GPR158: variants seen among roughly 807,000 people sequenced by gnomAD.
The protein encoded by GPR158 is metabotropic glycine receptor.
In GPR158, 30 loss-of-function variants were observed where a neutral mutation model predicts 78.2. The ratio of observed to expected loss-of-function variants is 0.38; its 90% CI spans 0.29 to 0.52. The LOEUF (loss-of-function observed/expected upper bound fraction) is 0.52, where lower values mean the gene tolerates loss of function less well. Among genes scored for constraint, GPR158 ranks in the 20% least tolerant of loss-of-function variants. The probability of loss-of-function intolerance (pLI) is 0.83; values close to 1 mark genes in which losing one functional copy is unlikely to be tolerated. For missense variants in GPR158, 1,463 were observed against 1,523.5 expected, an observed-to-expected ratio of 0.96 and a Z score of 0.66; for synonymous variants, 581 against 591.1, an observed-to-expected ratio of 0.98 and a Z score of 0.25.
intron 2 of GPR158, among the ~76,000 whole-genome samples, chr10:25,366,149 G>C (rs548736835): frequency 6.6e-5 from 10 of 151,214 alleles, no homozygotes; most frequent in African/African-American, 1.9e-4. Flanking sequence ...TTTTGTTTTT[G>C]TTTTTGTTTT....
At chr10:25,596,489 C>G (rs764684767) in intron 9 of GPR158, among the ~76,000 whole-genome samples, 154 bp from the exon 10 acceptor site, 1 of 151,964 alleles carries the variant, frequency 6.6e-6, no homozygotes, top group East Asian at 1.9e-4. Context: ...CTGTGTCTCT[C>G]TCTCTCTATC....
At position 25,175,147 on chromosome 10, in the gene GPR158, C is replaced by A. The variant is rs1043230718; in HGVS notation, c.-274C>A. The stretch of plus-strand genomic sequence containing the variant: ...TGGGAGCGCGAGGCCATGTAACCCG[C>A]TCGGCTCCAGGCTGCGAGGTGCGTA... On this transcript the variant is annotated 5_prime_UTR_variant, in exon 1 of 11. Transcript: ENST00000376351. This position sits in a 1 kb window ranked among gnomAD's most constrained non-coding sequence, Gnocchi z 6.4. 8 of 356,726 alleles carry A rather than the reference C, an allele frequency of 2.2e-5. No homozygotes were observed. Among genetic ancestry groups the A allele is most frequent in the Admixed American group, 4.4e-5 (1 of 22,870 alleles). The allele number at this position is 356,726 out of a possible 1,614,324, so 22.1% of individuals were successfully genotyped here.
At chr10:25,386,556 C>G (rs1834224700) in intron 2 of GPR158, among the ~76,000 whole-genome samples, 1 of 151,414 alleles carries the variant, frequency 6.6e-6, no homozygotes, top group South Asian at 2.1e-4. Flanking sequence ...AATATTAAGT[C>G]TTTCAATTCA....
intron 2 of GPR158, among the ~76,000 whole-genome samples, chr10:25,342,366 T>C (rs1266995264): frequency 1.3e-5 from 2 of 151,968 alleles, no homozygotes; most frequent in African/African-American, 4.8e-5. Flanking sequence ...CTCTGGAGGT[T>C]CTTGTCTTCT....
intron 2 of GPR158, among the ~76,000 whole-genome samples, chr10:25,323,702 G>T (rs371902095): frequency 0.027 from 3,907 of 146,810 alleles, 176 homozygotes; most frequent in African/African-American, 0.095. Flanking sequence ...TTTTTTTATA[G>T]AGACAGGTTC....
intron 2 of GPR158, among the ~76,000 whole-genome samples, chr10:25,321,522 T>G (rs999963848): frequency 2.0e-5 from 3 of 152,194 alleles, no homozygotes; most frequent in African/African-American, 7.2e-5. Context: ...AGCACACAGC[T>G]TTTACTTAGA....
chr10:25,594,517 C>T, intron 9 of GPR158, 120 bp downstream of exon 9: 1 of 492,668 alleles, frequency 2.0e-6, no homozygotes, highest in Non-Finnish European at 3.6e-6. Context: ...AGTTTTAAAG[C>T]TCCCTCCTCA....
chr10:25,490,651 C>T (rs559610044), intron 5 of GPR158, among the ~76,000 whole-genome samples: 55 of 149,470 alleles, frequency 3.7e-4, no homozygotes, highest in African/African-American at 1.3e-3. Flanking sequence ...CATAGTATTC[C>T]GTGGTGTATA....
intron 5 of GPR158, among the ~76,000 whole-genome samples, chr10:25,525,472 A>G (rs1266253142): frequency 6.6e-6 from 1 of 152,256 alleles, no homozygotes; most frequent in African/African-American, 2.4e-5. Flanking sequence ...GATACATGCT[A>G]CAGTATATCA....
chr10:25,302,160 C>A (rs1588785578), intron 2 of GPR158, among the ~76,000 whole-genome samples: 2 of 100,372 alleles, frequency 2.0e-5, no homozygotes, highest in East Asian at 5.2e-4. Context: ...CAAGCTCCGC[C>A]TCCCAGGTTC....
chr10:25,236,168 T>A (rs1306249589), intron 2 of GPR158, among the ~76,000 whole-genome samples: 1 of 152,120 alleles, frequency 6.6e-6, no homozygotes, highest in African/African-American at 2.4e-5. Context: ...ATAACCATGT[T>A]TATAATAAAG....
chr10:25,513,671 T>C (rs1436449609), intron 5 of GPR158, among the ~76,000 whole-genome samples: 3 of 152,192 alleles, frequency 2.0e-5, no homozygotes, highest in Non-Finnish European at 2.9e-5. Flanking sequence ...TGAACTTTTC[T>C]CTTAACATTG....
intron 2 of GPR158, among the ~76,000 whole-genome samples, chr10:25,392,704 T>A (rs569607334): frequency 6.6e-6 from 1 of 152,168 alleles, no homozygotes; most frequent in Admixed American, 6.5e-5. Context: ...AATTTCCTAA[T>A]CTTAAAAATG....
intron 5 of GPR158, among the ~76,000 whole-genome samples, chr10:25,486,753 G>C (rs1461671430): frequency 6.6e-6 from 1 of 151,940 alleles, no homozygotes; most frequent in Non-Finnish European, 1.5e-5. Flanking sequence ...CAAACTATAT[G>C]TGGTAAAGGA....
chr10:25,334,483 CAGG>C (rs1855170799), intron 2 of GPR158, among the ~76,000 whole-genome samples: 2 of 152,154 alleles, frequency 1.3e-5, no homozygotes, highest in South Asian at 4.1e-4. Context: ...GAATTGACAT[CAGG>C]AGTCCAAGTA....
intron 2 of GPR158, among the ~76,000 whole-genome samples, chr10:25,266,207 T>G (rs1854043185): frequency 6.6e-6 from 1 of 152,218 alleles, no homozygotes; most frequent in Admixed American, 6.5e-5. Flanking sequence ...TAGAACTGGG[T>G]TTCTTTCTTT....
At chr10:25,271,672 C>T (rs1471438151) in intron 2 of GPR158, among the ~76,000 whole-genome samples, 2 of 152,242 alleles carry the variant, frequency 1.3e-5, no homozygotes, top group South Asian at 2.1e-4. Context: ...AACTTAGAAA[C>T]ATTTTTGAGA....
At chr10:25,184,211 TA>T (rs1179740112) in intron 1 of GPR158, among the ~76,000 whole-genome samples, 1 of 152,230 alleles carries the variant, frequency 6.6e-6, no homozygotes, top group Admixed American at 6.5e-5. Context: ...TTTATTTTCT[TA>T]AAAAGAGACA....
chr10:25,561,512 C>T (rs772878516), intron 6 of GPR158, among the ~76,000 whole-genome samples: 3 of 152,112 alleles, frequency 2.0e-5, no homozygotes, highest in Non-Finnish European at 2.9e-5. Context: ...CTGTAGTAAG[C>T]TGGGAGTAGG....
Sources: gnomAD v4.1 joint callset for allele counts (sites outside exome capture counted in the v4.1 genomes callset) on GRCh38, gnomAD v4.1.1 for gene constraint, Gnocchi (gnomAD v3.1) non-coding constraint, MANE v1.5 for transcripts, NCBI Gene and HGNC (gene_info 2026-07-23, HGNC 2026-07-21) for gene names.